The following MAPK8 variants were observed in gnomAD, a reference collection of about 807,000 sequenced individuals.
MAPK8 encodes the protein JUN N-terminal kinase.
A neutral mutation model predicts 52.9 loss-of-function variants in MAPK8; 13 were observed. The ratio of observed to expected loss-of-function variants is 0.25; its 90% CI spans 0.16 to 0.39. The LOEUF (loss-of-function observed/expected upper bound fraction) is 0.39. Ranked by LOEUF, MAPK8 falls within the 10% of genes least tolerant of loss-of-function variation. MAPK8 has a pLI of 1.00. For missense variants in MAPK8, 300 were observed against 519.2 expected, an observed-to-expected ratio of 0.58 and a Z score of 4.10; for synonymous variants, 191 against 169.8, an observed-to-expected ratio of 1.12 and a Z score of -0.97.
intron 1 of MAPK8, among the ~76,000 whole-genome samples, chr10:48,331,274 CA>C (rs1419447529): frequency 6.6e-6 from 1 of 152,222 alleles, no homozygotes; most frequent in Non-Finnish European, 1.5e-5. Context: ...TCAAATCTTA[CA>C]GTCTGGGATG....
intron 5 of MAPK8, among the ~76,000 whole-genome samples, chr10:48,412,770 T>A (rs950338128): frequency 6.6e-6 from 1 of 152,220 alleles, no homozygotes; most frequent in African/African-American, 2.4e-5. Flanking sequence ...CCCAATGTTT[T>A]TTCCCCACCT....
At chr10:48,390,738 C>T (rs2041579291) in intron 1 of MAPK8, among the ~76,000 whole-genome samples, 1 of 152,266 alleles carries the variant, frequency 6.6e-6, no homozygotes, top group East Asian at 1.9e-4. Context: ...TATAGCCGCC[C>T]CCCTTTACTA....
chr10:48,377,155 G>C (rs1376895936), intron 1 of MAPK8, among the ~76,000 whole-genome samples: 1 of 152,114 alleles, frequency 6.6e-6, no homozygotes, highest in Non-Finnish European at 1.5e-5. Context: ...TTCTAAGTGG[G>C]AGTTGAACAA....
chr10:48,377,263 A>G (rs1310231244), intron 1 of MAPK8, among the ~76,000 whole-genome samples: 1 of 152,092 alleles, frequency 6.6e-6, no homozygotes, highest in African/African-American at 2.4e-5. Flanking sequence ...AATGTAGATG[A>G]CGTGTTGATG....
rs778924369 is a variant in MAPK8 at position 48,431,261 on chromosome 10, T to G, written c.1129T>G (p.Ser377Ala). The change falls in exon 11 of 12, where the codon TCT becomes GCT. Residue 377 changes from serine to alanine, a missense_variant. Around this residue, in one of 3 missense-constraint regions of MAPK8, gnomAD observed 119 missense variants for 154.4 expected, o/e 0.77. Transcript: ENST00000374189. ...GAATGGAGTTATACGGGGGCAGCCC[T>G]CTCCTTTAGGTTGGTTACAATATAA... ...TKNGVIRGQP[S>A]PLGAAVINGS... The G allele has an allele frequency of 4.3e-6, 7 of 1,610,132 alleles. No individual in the cohort carries two copies. In the South Asian group the frequency reaches 7.7e-5, roughly 18 times the overall value.
intron 1 of MAPK8, among the ~76,000 whole-genome samples, chr10:48,338,980 A>G (rs541778565): frequency 6.6e-6 from 1 of 152,282 alleles, no homozygotes; most frequent in South Asian, 2.1e-4. Context: ...AGATTGAAAG[A>G]ATCAACATTG....
At chr10:48,364,044 C>G (rs1847810594) in intron 1 of MAPK8, among the ~76,000 whole-genome samples, 2 of 152,226 alleles carry the variant, frequency 1.3e-5, no homozygotes, top group African/African-American at 4.8e-5. Flanking sequence ...TCATCCATTT[C>G]TTCCTGATTC....
At chr10:48,411,726 T>C (rs951147799) in intron 5 of MAPK8, among the ~76,000 whole-genome samples, 1 of 152,202 alleles carries the variant, frequency 6.6e-6, no homozygotes, top group Admixed American at 6.5e-5. Flanking sequence ...TAACAATATT[T>C]AGTCTTCCAA....
intron 1 of MAPK8, among the ~76,000 whole-genome samples, chr10:48,317,973 G>C (rs1027931097): frequency 1.4e-5 from 2 of 143,010 alleles, no homozygotes; most frequent in Non-Finnish European, 3.0e-5. Flanking sequence ...TAGCTGATTA[G>C]TTACAGGCAC....
chr10:48,430,080 G>A (rs2044066279), intron 10 of MAPK8: 1 of 152,156 alleles, frequency 6.6e-6, no homozygotes, highest in Admixed American at 6.5e-5. Flanking sequence ...ACCTTAAGAA[G>A]GTTTTTTGTT....
intron 5 of MAPK8, among the ~76,000 whole-genome samples, chr10:48,411,935 C>G (rs1310520148): frequency 6.7e-6 from 1 of 149,814 alleles, no homozygotes; most frequent in African/African-American, 2.4e-5. Context: ...ACCTCTACCT[C>G]CTGGGTTCAA....
rs750282872 is a variant in MAPK8, at chr10:48,346,113, A to G, written c.-50+39292A>G. On this transcript the variant is annotated intron_variant, in intron 1 of 11. Coordinates refer to ENST00000374189, the MANE Select transcript of MAPK8 (RefSeq NM_001323329.2). Reference sequence around the variant, plus strand: ...CCTTCACCCCCAAGTTCTTTGGTATACAAAAGCCTGTGGGCGGCAAGCCAC... The same window carrying G: ...CCTTCACCCCCAAGTTCTTTGGTATGCAAAAGCCTGTGGGCGGCAAGCCAC... Among the ~76,000 whole-genome samples, 4 of 152,178 alleles carry G rather than the reference A, an allele frequency of 2.6e-5. No homozygotes were observed. In the South Asian group the frequency reaches 8.3e-4, roughly 32 times the overall value.
At chr10:48,355,320 T>C (rs957169366) in intron 1 of MAPK8, among the ~76,000 whole-genome samples, 3 of 152,068 alleles carry the variant, frequency 2.0e-5, no homozygotes, top group Non-Finnish European at 4.4e-5. Context: ...CCATCCTGGC[T>C]AACACGGCGA....
chr10:48,381,580 G>A (rs563460237), intron 1 of MAPK8, among the ~76,000 whole-genome samples: 2 of 152,126 alleles, frequency 1.3e-5, no homozygotes, highest in South Asian at 2.1e-4. Flanking sequence ...TCATGGTTTC[G>A]TAGAAAGATA....
At position 48,319,821 on chromosome 10, in the gene MAPK8, A is replaced by G. The variant is rs535167454; in HGVS notation, c.-50+13000A>G. 8.5e-5 allele frequency among the ~76,000 whole-genome samples: 13 copies of G among 152,136 alleles called. No homozygotes were observed. The South Asian group carries it at 1.5e-3, about 17-fold the overall frequency. ...CTGGATCTCTCATGTAAGTGGAATC[A>G]TACACTGTGCGATCTTTTGTGACTG... On this transcript the variant is annotated intron_variant, in intron 1 of 11. Coordinates refer to ENST00000374189, the MANE Select transcript of MAPK8 (RefSeq NM_001323329.2).
At chr10:48,413,924 A>G (rs983343344) in intron 5 of MAPK8, among the ~76,000 whole-genome samples, 4 of 145,256 alleles carry the variant, frequency 2.8e-5, no homozygotes, top group Non-Finnish European at 6.0e-5. Context: ...TATAATTTAC[A>G]TGCCATACAA....
At chr10:48,409,821 C>G (rs896978156) in intron 3 of MAPK8, 58 bp from the exon 4 acceptor site, 38 of 1,189,070 alleles carry the variant, frequency 3.2e-5, no homozygotes, top group Middle Eastern at 2.6e-4. Context: ...TTGTAGTTCC[C>G]AAATTAAAAT....
chr10:48,433,983 G>T (rs1381141742), intron 11 of MAPK8, among the ~76,000 whole-genome samples: 2 of 152,102 alleles, frequency 1.3e-5, no homozygotes, highest in South Asian at 2.1e-4. Flanking sequence ...TGTTCATGTG[G>T]TTCAGAAGTA....
chr10:48,334,283 G>A (rs1197748533), intron 1 of MAPK8, among the ~76,000 whole-genome samples: 1 of 152,242 alleles, frequency 6.6e-6, no homozygotes, highest in Non-Finnish European at 1.5e-5. Flanking sequence ...CAGTCTCTGT[G>A]TCTGAGCTTT....
Sources: gnomAD v4.1 joint callset for allele counts (sites outside exome capture counted in the v4.1 genomes callset) on GRCh38, gnomAD v4.1.1 for gene constraint, gnomAD v4.1.1 regional missense constraint, MANE v1.5 for transcripts, NCBI Gene and HGNC (gene_info 2026-07-23, HGNC 2026-07-21) for gene names.